The following GNB1L variants were observed in gnomAD, a reference collection of about 807,000 sequenced individuals.
GNB1L encodes guanine nucleotide-binding protein subunit beta-like protein 1.
In GNB1L, 20 loss-of-function variants were observed where a neutral mutation model predicts 29.1. That is an observed-to-expected ratio of 0.69 (90% CI 0.48 to 1.00). The LOEUF (loss-of-function observed/expected upper bound fraction) is 1.00, where lower values mean the gene tolerates loss of function less well. GNB1L is among the 50% of genes least tolerant of loss of function. The pLI is 0.00. For synonymous variants in GNB1L, 193 were observed against 206.5 expected (o/e 0.93, Z 0.56); for missense variants, 421 against 464.9 (o/e 0.91, Z 0.87).
rs1937188769 is a variant in GNB1L at position 19,785,947 on chromosome 22, T to C, written c.*2762A>G. ...CCTGTCCAGAGCCACATGGCTCTGC[T>C]GTGGACACCACGGAGCAGCTCAAGA... On this transcript the variant is annotated 3_prime_UTR_variant, in exon 8 of 8. Transcript: ENST00000329517. The surrounding 1 kb of genome is among the most constrained non-coding windows in gnomAD (Gnocchi z 4.1). 1 of 152,318 alleles carries C rather than the reference T, an allele frequency of 6.6e-6. No individual in the cohort carries two copies. The highest frequency in any genetic ancestry group is 2.4e-5 in the African/African-American group (1 of 41,454). 9.4% of individuals were successfully genotyped at this position (152,318 alleles called of 1,614,324 possible). A position where few individuals can be genotyped will look rare whatever the true frequency, so the allele number is the denominator to read the frequency against.
intron 6 of GNB1L, among the ~76,000 whole-genome samples, chr22:19,804,743 G>A (rs1292770474): frequency 6.6e-6 from 1 of 152,198 alleles, no homozygotes; most frequent in Non-Finnish European, 1.5e-5. Context: ...TTAGCGGAAT[G>A]CTTCACGCTG....
chr22:19,850,248 C>T (rs1938062579), intron 2 of GNB1L: 2 of 985,534 alleles, frequency 2.0e-6, no homozygotes, highest in Non-Finnish European at 2.4e-6. Flanking sequence ...AGTAATCCAA[C>T]ACGTGTTTAA....
chr22:19,796,670 C>A (rs1199961433), intron 7 of GNB1L, among the ~76,000 whole-genome samples: 1 of 152,126 alleles, frequency 6.6e-6, no homozygotes, highest in African/African-American at 2.4e-5. Flanking sequence ...AAAATGGGGT[C>A]TGCCTGGAAG....
In GNB1L at chr22:19,849,041, T is replaced by A. The variant is rs994407983; in HGVS notation, c.-21+5402A>T. On this transcript the variant is annotated intron_variant, in intron 2 of 7. Transcript: ENST00000329517. ...AACCCACAAAAGGGGGGATGGGGCC[T>A]GAGTCATCGGACGGAGGGCAGCTGT... 5.1e-6 allele frequency: 5 copies of A among 985,320 alleles called. No homozygotes were observed. In the African/African-American group the frequency reaches 7.0e-5, roughly 14 times the overall value. 61.0% of individuals were successfully genotyped at this position (985,320 alleles called of 1,614,324 possible). A position where few individuals can be genotyped will look rare whatever the true frequency, so the allele number is the denominator to read the frequency against.
At chr22:19,846,140 A>G (rs1937954833) in intron 2 of GNB1L, 2 of 152,360 alleles carry the variant, frequency 1.3e-5, no homozygotes, top group South Asian at 2.1e-4. Context: ...CCCCAAACTC[A>G]GTGGCTTCGC....
intron 2 of GNB1L, chr22:19,852,554 G>A (rs1292728967): frequency 3.0e-5 from 12 of 395,856 alleles, no homozygotes; most frequent in Non-Finnish European, 5.5e-5. Flanking sequence ...CTGGTGGGAA[G>A]AGGCTACAAG....
At chr22:19,843,432 C>A (rs1261000135) in intron 2 of GNB1L, among the ~76,000 whole-genome samples, 1 of 152,204 alleles carries the variant, frequency 6.6e-6, no homozygotes, top group Non-Finnish European at 1.5e-5. Context: ...GCCCAGCAGC[C>A]CGATGGCGAG....
At chr22:19,835,380 A>AC (rs1333153694) in intron 2 of GNB1L, among the ~76,000 whole-genome samples, 62 of 149,434 alleles carry the variant, frequency 4.1e-4, no homozygotes, top group African/African-American at 1.3e-3. Context: ...ATGTAAAAAA[A>AC]AAAAAAAACA....
intron 6 of GNB1L, among the ~76,000 whole-genome samples, chr22:19,805,205 G>T (rs1224526280): frequency 1.3e-5 from 2 of 152,200 alleles, no homozygotes; most frequent in African/African-American, 2.4e-5. Context: ...ATCAGTCCAC[G>T]GGAGACCCCA....
intron 2 of GNB1L, among the ~76,000 whole-genome samples, chr22:19,838,478 TA>T (rs967945506): frequency 9.7e-5 from 12 of 123,480 alleles, no homozygotes; most frequent in African/African-American, 5.1e-4. Context: ...TTTTTATTTT[TA>T]TTTTTTTTTT....
chr22:19,791,194 T>C (rs1937249728), intron 7 of GNB1L, among the ~76,000 whole-genome samples: 1 of 152,126 alleles, frequency 6.6e-6, no homozygotes, highest in South Asian at 2.1e-4. Context: ...GATCACACCA[T>C]TGTACTCCAG....
intron 2 of GNB1L, among the ~76,000 whole-genome samples, chr22:19,827,196 G>A (rs554238406): frequency 2.6e-5 from 4 of 152,172 alleles, no homozygotes; most frequent in Non-Finnish European, 5.9e-5. Flanking sequence ...TTATTCCTAC[G>A]AGATACATCC....
intron 2 of GNB1L, among the ~76,000 whole-genome samples, chr22:19,825,326 AG>A (rs1937611705): frequency 6.6e-6 from 1 of 152,212 alleles, no homozygotes; most frequent in African/African-American, 2.4e-5. Context: ...TGTTGATAAA[AG>A]TTTCTTAGAA....
At position 19,811,273 on chromosome 22, in the gene GNB1L, G is replaced by A. The variant is rs565275525; in HGVS notation, c.417+1012C>T. On this transcript the variant is annotated intron_variant, in intron 5 of 7. Transcript: ENST00000329517. ...GGGCAGGGGCCAAGCCCAACTGTGC[G>A]TGGGGGCCGTCCTGCCCAGTACCAG... Among the ~76,000 whole-genome samples, 3 of 152,308 alleles carry A rather than the reference G, an allele frequency of 2.0e-5. No individual in the cohort carries two copies. The East Asian group carries it at 5.8e-4, about 29-fold the overall frequency.
intron 4 of GNB1L, among the ~76,000 whole-genome samples, chr22:19,815,415 C>T (rs537515295): frequency 1.4e-4 from 21 of 152,266 alleles, no homozygotes; most frequent in Admixed American, 2.6e-4. Context: ...CTCTGCTAGG[C>T]GGCAAGGCTC....
chr22:19,851,475 T>C, intron 2 of GNB1L: 1 of 1,614,034 alleles, frequency 6.2e-7, no homozygotes, highest in Non-Finnish European at 8.5e-7. Context: ...CCAGGGGTGC[T>C]CTCCTTGGTC....
At chr22:19,797,920 C>T (rs1937325669) in intron 7 of GNB1L, among the ~76,000 whole-genome samples, 1 of 152,206 alleles carries the variant, frequency 6.6e-6, no homozygotes, top group Non-Finnish European at 1.5e-5. Flanking sequence ...TGCCTGTCCT[C>T]TACCTCTCTT....
intron 6 of GNB1L, among the ~76,000 whole-genome samples, chr22:19,805,660 T>C (rs1937425348): frequency 6.6e-6 from 1 of 152,080 alleles, no homozygotes; most frequent in Non-Finnish European, 1.5e-5. Context: ...CGGGCGCCTG[T>C]AGTCCCAGCT....
In GNB1L at chr22:19,820,785, C is replaced by T. The variant is rs1937572261; in HGVS notation, c.129-62G>A. On this transcript the variant is annotated intron_variant, in intron 3 of 7. Coordinates refer to ENST00000329517, the MANE Select transcript of GNB1L (RefSeq NM_053004.3). ...GAAGGGTGTGCTGAATGCTCTGGGGCCAGCCTGGAGGCCACATTGTGGGAT... is the reference window on the plus strand; with the variant it reads ...GAAGGGTGTGCTGAATGCTCTGGGGTCAGCCTGGAGGCCACATTGTGGGAT... The T allele has an allele frequency of 6.4e-6, 10 of 1,552,558 alleles. No homozygotes were observed. The South Asian group carries it at 1.1e-4, about 16-fold the overall frequency.
Sources: gnomAD v4.1 joint callset for allele counts (sites outside exome capture counted in the v4.1 genomes callset) on GRCh38, gnomAD v4.1.1 for gene constraint, Gnocchi (gnomAD v3.1) non-coding constraint, MANE v1.5 for transcripts, NCBI Gene and HGNC (gene_info 2026-07-23, HGNC 2026-07-21) for gene names.